SMARCA2: variants seen among roughly 807,000 people sequenced by gnomAD.
SMARCA2 encodes the protein SWI/SNF-related matrix-associated actin-dependent regulator of chromatin subfamily A member 2.
A neutral mutation model predicts 199.8 loss-of-function variants in SMARCA2; 61 were observed. That is an observed-to-expected ratio of 0.31 (90% CI 0.25 to 0.38). The LOEUF is 0.38. Among genes scored for constraint, SMARCA2 ranks in the 10% least tolerant of loss-of-function variants. The pLI is 1.00. For missense variants in SMARCA2, 1,344 were observed against 2,012.2 expected (o/e 0.67, Z 6.35); for synonymous variants, 935 against 732.0 (o/e 1.28, Z -4.48).
rs911084732 is a variant in SMARCA2, at chr9:2,119,373, C to T, written c.3685-85C>T. On this transcript the variant is annotated intron_variant, in intron 25 of 33. Transcript: ENST00000349721. The surrounding 1 kb of genome is among the most constrained non-coding windows in gnomAD (Gnocchi z 4.6). ...CTTTCTGCCTTGAGAAATGGGACCC[C>T]TCTGGTCTGGAGGACAGATCACTTA... 9.5e-5 allele frequency: 81 copies of T among 856,870 alleles called. No individual in the cohort carries two copies. The highest frequency in any genetic ancestry group is 1.5e-4 in the Non-Finnish European group (76 of 503,820). The allele number at this position is 856,870 out of a possible 1,614,324, so 53.1% of individuals were successfully genotyped here.
chr9:2,174,351 G>A (rs535778502), intron 29 of SMARCA2, among the ~76,000 whole-genome samples: 2 of 152,204 alleles, frequency 1.3e-5, no homozygotes, highest in South Asian at 2.1e-4. Flanking sequence ...GCAGTTATTT[G>A]GATATATATA....
At chr9:2,072,895 G>A (rs954727212) in intron 10 of SMARCA2, among the ~76,000 whole-genome samples, 1 of 152,146 alleles carries the variant, frequency 6.6e-6, no homozygotes, top group African/African-American at 2.4e-5. Context: ...TTGCCACTGT[G>A]GTCTGCCCTG....
intron 1 of SMARCA2, among the ~76,000 whole-genome samples, chr9:2,018,910 A>G (rs1173129849): frequency 3.3e-5 from 5 of 152,212 alleles, no homozygotes. Flanking sequence ...CCTCTAGCAC[A>G]CTGGTGAAGT....
At chr9:2,101,214 A>G (rs1004945865) in intron 21 of SMARCA2, among the ~76,000 whole-genome samples, 1 of 152,028 alleles carries the variant, frequency 6.6e-6, no homozygotes, top group South Asian at 2.1e-4. Context: ...GTGCTCTTCT[A>G]GTCTAGACTC....
In SMARCA2 at chr9:2,054,607, C is replaced by T. The variant is rs775965236; in HGVS notation, c.1057C>T (p.Arg353Cys). The T allele has an allele frequency of 3.7e-6, 6 of 1,613,858 alleles. No individual in the cohort carries two copies. Among genetic ancestry groups the T allele is most frequent in the Admixed American group, 3.3e-5 (2 of 60,014 alleles). The change falls in exon 6 of 34, where the codon CGC becomes TGC. Residue 353 changes from arginine to cysteine, a missense_variant. Physicochemically the swap from Arg to Cys is radical, Grantham distance 180 (BLOSUM62 -3). This residue lies in a region of SMARCA2 where 155 missense variants were observed against 260.0 expected (regional missense o/e 0.60). Coordinates refer to ENST00000349721, the MANE Select transcript of SMARCA2 (RefSeq NM_003070.5). ...TATTGTTTCCTTTAGACTTCAGGCC[C>T]GCATAGCTCATAGGATACAAGAACT... ...LQEREYRLQA[R>C]IAHRIQELEN...
intron 14 of SMARCA2, 47 bp downstream of exon 14, chr9:2,077,823 C>G: frequency 1.3e-6 from 2 of 1,544,790 alleles, no homozygotes; most frequent in Non-Finnish European, 1.8e-6. Flanking sequence ...AACCATTTAC[C>G]TAATTTTGAT....
chr9:2,073,356 G>A lies in SMARCA2; in HGVS notation c.1877+14G>A. On this transcript the variant is annotated intron_variant, in intron 11 of 33. Transcript: ENST00000349721. ...AATGAATCCTGGGTAAGGCATGAAA[G>A]CAGCGTTCATGGTGTTCTTTTAGCT... 1 of 1,614,030 alleles carries A rather than the reference G, an allele frequency of 6.2e-7. No individual in the cohort carries two copies. The highest frequency in any genetic ancestry group is 8.5e-7 in the Non-Finnish European group (1 of 1,179,964).
chr9:2,069,288 G>C (rs1820984471), intron 9 of SMARCA2, among the ~76,000 whole-genome samples: 1 of 151,624 alleles, frequency 6.6e-6, no homozygotes, highest in East Asian at 2.0e-4. Flanking sequence ...TAAGATATTG[G>C]GATATGTAAG....
intron 20 of SMARCA2, 132 bp from the exon 21 acceptor site, chr9:2,097,253 A>T (rs1822310491): frequency 6.8e-6 from 4 of 584,992 alleles, no homozygotes; most frequent in Non-Finnish European, 1.2e-5. Context: ...GAAGCTTTGA[A>T]CCACAAGGTG....
chr9:2,019,672 T>C (rs1361713229), intron 1 of SMARCA2, among the ~76,000 whole-genome samples: 1 of 152,218 alleles, frequency 6.6e-6, no homozygotes, highest in African/African-American at 2.4e-5. Flanking sequence ...TATAAAAGCA[T>C]ATCACATCCT....
intron 9 of SMARCA2, among the ~76,000 whole-genome samples, chr9:2,065,758 C>T (rs1216921717): frequency 6.6e-6 from 1 of 152,098 alleles, no homozygotes; most frequent in Non-Finnish European, 1.5e-5. Flanking sequence ...CAGCTTTCCT[C>T]TACAGGATTT....
At chr9:2,099,739 C>T (rs975827886) in intron 21 of SMARCA2, among the ~76,000 whole-genome samples, 3 of 152,136 alleles carry the variant, frequency 2.0e-5, no homozygotes, top group East Asian at 1.9e-4. Context: ...GCCACACACC[C>T]TTTGTTCATA....
chr9:2,051,381 A>C (rs1014103021), intron 5 of SMARCA2, among the ~76,000 whole-genome samples: 6 of 152,008 alleles, frequency 3.9e-5, no homozygotes, highest in African/African-American at 1.4e-4. Context: ...TTTCAGGGAG[A>C]GGTGCACCCC....
At chr9:2,179,167 C>A (rs1442495908) in intron 29 of SMARCA2, among the ~76,000 whole-genome samples, 1 of 152,058 alleles carries the variant, frequency 6.6e-6, no homozygotes, top group African/African-American at 2.4e-5. Context: ...GGGGATTGCC[C>A]ATGAAAGTTG....
At position 2,192,957 on chromosome 9, in the gene SMARCA2, C is replaced by T; in HGVS notation, c.*218C>T. 2.0e-6 allele frequency: 1 copy of T among 496,660 alleles called. No individual in the cohort carries two copies. The highest frequency in any genetic ancestry group is 3.5e-6 in the Non-Finnish European group (1 of 282,416). 30.8% of individuals were successfully genotyped at this position (496,660 alleles called of 1,614,324 possible). ...TAACATATTGTGACCAAATGGGCCT[C>T]AAAGATTCAGATTGAAACAAACAAA... On this transcript the variant is annotated 3_prime_UTR_variant, in exon 34 of 34. Coordinates refer to ENST00000349721, the MANE Select transcript of SMARCA2 (RefSeq NM_003070.5).
chr9:2,018,171 A>T (rs895123409), intron 1 of SMARCA2: 1 of 152,220 alleles, frequency 6.6e-6, no homozygotes, highest in African/African-American at 2.4e-5. Context: ...AGGCGTTTGG[A>T]TTTTTTAAGG....
Position 2,115,809 on chromosome 9 carries a change from A to T in SMARCA2, c.3457-13A>T. 1 of 1,611,328 alleles carries T rather than the reference A, an allele frequency of 6.2e-7. No homozygotes were observed. Among genetic ancestry groups the T allele is most frequent in the Non-Finnish European group, 8.5e-7 (1 of 1,178,210 alleles). On this transcript the variant is annotated splice_polypyrimidine_tract_variant and intron_variant, in intron 24 of 33. Transcript: ENST00000349721. The surrounding 1 kb of genome is among the most constrained non-coding windows in gnomAD (Gnocchi z 6.0). ...GCATCTCAGTCCTCATAGCATATTG[A>T]CCCCCCAAACAGGATCTGCAGGCCC...
At chr9:2,084,370 C>CTGTGTGTGTGTGTGTG (rs3057851) in intron 17 of SMARCA2, among the ~76,000 whole-genome samples, 174 bp downstream of exon 17, 1 of 132,338 alleles carries the variant, frequency 7.6e-6, no homozygotes, top group Admixed American at 7.6e-5. Context: ...TTCATGCATG[C>CTGTGTGTGTGTGTGTG]TGTGTGTGTG....
rs762457016 is a variant in SMARCA2, at chr9:2,077,670, A to G, written c.2078A>G (p.Tyr693Cys). Residue 693 changes from tyrosine (Y) to cysteine (C), a missense_variant, in exon 14 of 34, where the codon TAC becomes TGC. By Grantham distance (194) the Tyr-to-Cys change is radical. Transcript: ENST00000349721. ...QDVDDEYSMQ[Y>C]SARGSQSYYT... Reference sequence around the variant, plus strand: ...GTGGATGATGAATACAGCATGCAGTACAGTGCCAGGGGCTCCCAGTCCTAC... The same window carrying G: ...GTGGATGATGAATACAGCATGCAGTGCAGTGCCAGGGGCTCCCAGTCCTAC... 4 of 1,614,030 alleles carry G rather than the reference A, an allele frequency of 2.5e-6. No individual in the cohort carries two copies. The Admixed American group carries it at 5.0e-5, about 20-fold the overall frequency.
Sources: gnomAD v4.1 joint callset for allele counts (sites outside exome capture counted in the v4.1 genomes callset) on GRCh38, gnomAD v4.1.1 for gene constraint, gnomAD v4.1.1 regional missense constraint, Gnocchi (gnomAD v3.1) non-coding constraint, MANE v1.5 for transcripts, NCBI Gene and HGNC (gene_info 2026-07-23, HGNC 2026-07-21) for gene names.